Variants in LY9 observed in about 807,000 individuals in gnomAD.
LY9 encodes lymphocyte antigen 9.
In LY9, 59 loss-of-function variants were observed where a neutral mutation model predicts 64.6. That is an observed-to-expected ratio of 0.91 (90% CI 0.74 to 1.13). LY9 has a LOEUF of 1.13. Ranked by LOEUF, LY9 falls within the 50% of genes most tolerant of loss-of-function variation. The probability of loss-of-function intolerance (pLI) is 0.00; values close to 1 mark genes in which losing one functional copy is unlikely to be tolerated. For missense variants in LY9, 789 were observed against 797.2 expected (o/e 0.99, Z 0.12); for synonymous variants, 281 against 308.5 (o/e 0.91, Z 0.93).
At position 160,799,761 on chromosome 1, in the gene LY9, G is replaced by C; in HGVS notation, c.133G>C (p.Ala45Pro). The change falls in exon 2 of 10, where the codon GCC becomes CCC. Residue 45 changes from alanine (A) to proline (P), a missense_variant. Ala to Pro is a conservative substitution (Grantham distance 27). Transcript: ENST00000263285. Reference protein sequence around the residue: ...SLLFLLMGLRASGKDSAPTVV... With the variant: ...SLLFLLMGLRPSGKDSAPTVV... ...CTCTTCTATCTCTGCAGGACTAAGA[G>C]CCTCTGGAAAGGACTCAGCCCCAAC... The C allele has an allele frequency of 6.2e-7, 1 of 1,611,376 alleles. No homozygotes were observed. Among genetic ancestry groups the C allele is most frequent in the South Asian group, 1.1e-5 (1 of 90,928 alleles).
chr1:160,821,168 A>AAAAAAC (rs386368481), intron 7 of LY9, among the ~76,000 whole-genome samples: 1 of 151,366 alleles, frequency 6.6e-6, no homozygotes, highest in East Asian at 1.9e-4. Flanking sequence ...AAAAAAAAAA[A>AAAAAAC]ACCATATATT....
intron 2 of LY9, chr1:160,812,119 T>C (rs556972942): frequency 6.6e-6 from 1 of 152,210 alleles, no homozygotes; most frequent in Non-Finnish European, 1.5e-5. Flanking sequence ...TGGAGGCCAA[T>C]GAAGGTATCA....
rs370517597 is a variant in LY9, at chr1:160,805,011, C to A, written c.454+4929C>A. Among the ~76,000 whole-genome samples, 77 of 152,174 alleles carry A rather than the reference C, an allele frequency of 5.1e-4. 1 individual carries two copies. The highest frequency in any genetic ancestry group is 1.8e-3 in the African/African-American group (75 of 41,556). The stretch of plus-strand genomic sequence containing the variant: ...TTTCTTCTTTTCTTAATTAGCCTAG[C>A]TAGCAGGTTATTAATTTTGTCTGTC... On this transcript the variant is annotated intron_variant, in intron 2 of 9. Coordinates refer to ENST00000263285, the MANE Select transcript of LY9 (RefSeq NM_002348.4).
At chr1:160,798,948 C>T (rs1225237427) in intron 1 of LY9, 1 of 152,160 alleles carries the variant, frequency 6.6e-6, no homozygotes, top group Non-Finnish European at 1.5e-5. Context: ...AGAAGACACC[C>T]ACAGGGTCCC....
At chr1:160,802,495 C>A in intron 2 of LY9, 1 of 985,608 alleles carries the variant, frequency 1.0e-6, no homozygotes, top group Non-Finnish European at 1.2e-6. Context: ...GGCCTCCAAC[C>A]CTGCGGGCCG....
intron 2 of LY9, among the ~76,000 whole-genome samples, chr1:160,804,370 T>C (rs1165971025): frequency 6.6e-6 from 1 of 152,204 alleles, no homozygotes; most frequent in East Asian, 1.9e-4. Flanking sequence ...TCCTTCAGTC[T>C]ATTGATGTGA....
rs1668734963 is a variant in LY9, at chr1:160,824,478, T to C, written c.1899+229T>C. 5 of 985,036 alleles carry C rather than the reference T, an allele frequency of 5.1e-6. No homozygotes were observed. The African/African-American group carries it at 5.2e-5, about 10-fold the overall frequency. The allele number at this position is 985,036 out of a possible 1,614,324, so 61.0% of individuals were successfully genotyped here. On this transcript the variant is annotated intron_variant, in intron 9 of 9. Transcript: ENST00000263285. ...TAATTGATTTAATAATATCTTATGT[T>C]GGTTATTTTTAACACTGACCTGAAT...
chr1:160,801,107 G>C (rs1308434093), intron 2 of LY9, among the ~76,000 whole-genome samples: 2 of 152,156 alleles, frequency 1.3e-5, no homozygotes, highest in Admixed American at 1.3e-4. Context: ...TGGATCAAAT[G>C]CTAATTAAAT....
chr1:160,813,514 C>T (rs1056821180), intron 2 of LY9, 122 bp from the exon 3 acceptor site: 40 of 908,170 alleles, frequency 4.4e-5, no homozygotes, highest in East Asian at 2.3e-4. Flanking sequence ...GATGTCCCTG[C>T]GACAGGTAAC....
At chr1:160,802,032 C>G in intron 2 of LY9, 1 of 1,453,800 alleles carries the variant, frequency 6.9e-7, no homozygotes, top group Non-Finnish European at 9.0e-7. Context: ...GCCACTGCCC[C>G]CCGAGGCTGC....
intron 1 of LY9, among the ~76,000 whole-genome samples, chr1:160,797,464 T>C (rs1397819252): frequency 1.3e-5 from 2 of 152,208 alleles, no homozygotes; most frequent in African/African-American, 4.8e-5. Context: ...CAAGGCTGTT[T>C]ATGTTTACCT....
At chr1:160,796,672 T>A (rs1665903936) in intron 1 of LY9, among the ~76,000 whole-genome samples, 2 of 152,324 alleles carry the variant, frequency 1.3e-5, no homozygotes, top group South Asian at 4.1e-4. Context: ...ATTACAGGCG[T>A]GAGCCCAGTT....
intron 2 of LY9, 108 bp downstream of exon 2, chr1:160,800,190 A>G (rs1666311452): frequency 2.5e-6 from 2 of 785,768 alleles, no homozygotes; most frequent in African/African-American, 1.7e-5. Context: ...ATACTGATCA[A>G]GTCAGAGTTT....
intron 1 of LY9, among the ~76,000 whole-genome samples, chr1:160,797,734 T>C (rs1006875380): frequency 1.3e-5 from 2 of 152,188 alleles, no homozygotes; most frequent in Non-Finnish European, 2.9e-5. Flanking sequence ...CTCACTTTAG[T>C]ATCAGGAACA....
In LY9 at chr1:160,813,842, A is replaced by T; in HGVS notation, c.661A>T (p.Ile221Phe). The T allele has an allele frequency of 6.2e-7, 1 of 1,614,130 alleles. No individual in the cohort carries two copies. Among genetic ancestry groups the T allele is most frequent in the Non-Finnish European group, 8.5e-7 (1 of 1,180,012 alleles). The change falls in exon 3 of 10, where the codon ATC (isoleucine) becomes TTC (phenylalanine). Residue 221 changes from isoleucine (I) to phenylalanine (F), a missense_variant. By Grantham distance (21) the Ile-to-Phe change is conservative. Transcript: ENST00000263285. ...RTPCDPDLPY[I>F]CTAQNPVSQR... Reference sequence around the variant, plus strand: ...ACCATGTGACCCAGACCTGCCATACATCTGCACAGCCCAGAACCCCGTCAG... The same window carrying T: ...ACCATGTGACCCAGACCTGCCATACTTCTGCACAGCCCAGAACCCCGTCAG...
At chr1:160,824,618 C>T (rs1668743555) in intron 9 of LY9, 1 of 982,776 alleles carries the variant, frequency 1.0e-6, no homozygotes. Context: ...AATTAGCTAA[C>T]AATTTAACAA....
At position 160,818,330 on chromosome 1, in the gene LY9, G is replaced by A. The variant is rs771289733; in HGVS notation, c.1444+11G>A. 25 of 1,605,842 alleles carry A rather than the reference G, an allele frequency of 1.6e-5. No individual in the cohort carries two copies. Among genetic ancestry groups the A allele is most frequent in the Middle Eastern group, 1.7e-4 (1 of 6,054 alleles). On this transcript the variant is annotated intron_variant, in intron 6 of 9. Coordinates refer to ENST00000263285, the MANE Select transcript of LY9 (RefSeq NM_002348.4). Reference sequence around the variant, plus strand: ...AGCGAAAAGGACGGTGTGAGTTTCCGAGATCAATGTTGTCCGCCAGTGCTA... The same window carrying A: ...AGCGAAAAGGACGGTGTGAGTTTCCAAGATCAATGTTGTCCGCCAGTGCTA...
rs142584199 is a variant in LY9 at position 160,819,525 on chromosome 1, C to T, written c.1498+151C>T. 2.3e-3 allele frequency: 1,533 copies of T among 654,834 alleles called. 16 individuals carry two copies. Among genetic ancestry groups the T allele is most frequent in the African/African-American group, 0.023 (1,266 of 55,856 alleles). 40.6% of individuals were successfully genotyped at this position (654,834 alleles called of 1,614,324 possible). Reference sequence around the variant, plus strand: ...CAAAATCTGACCAGGTGCCGTGGCTCACACCTGTAATCCCAGCACTTCGGG... The same window carrying T: ...CAAAATCTGACCAGGTGCCGTGGCTTACACCTGTAATCCCAGCACTTCGGG... On this transcript the variant is annotated intron_variant, in intron 7 of 9. Coordinates refer to ENST00000263285, the MANE Select transcript of LY9 (RefSeq NM_002348.4).
At chr1:160,817,001 T>A in intron 5 of LY9, 138 bp downstream of exon 5, 1 of 738,316 alleles carries the variant, frequency 1.4e-6, no homozygotes, top group East Asian at 2.5e-5. Flanking sequence ...CACAGATATA[T>A]GAGAGTCACG....
Sources: gnomAD v4.1 joint callset for allele counts (sites outside exome capture counted in the v4.1 genomes callset) on GRCh38, gnomAD v4.1.1 for gene constraint, MANE v1.5 for transcripts, NCBI Gene and HGNC (gene_info 2026-07-23, HGNC 2026-07-21) for gene names.